Variants in LRRN3 observed in about 807,000 individuals in gnomAD.
The protein encoded by LRRN3 is leucine rich repeat neuronal 3.
LRRN3 carries 15 observed loss-of-function variants against 40.1 expected under a neutral mutation model. The observed-to-expected ratio is 0.37, with a 90% CI of 0.25 to 0.58. LRRN3 has a LOEUF of 0.58. LRRN3 is among the 20% of genes least tolerant of loss of function. LRRN3 has a pLI of 0.72. For missense variants in LRRN3, 746 were observed against 837.7 expected (o/e 0.89, Z 1.35); for synonymous variants, 308 against 297.2 (o/e 1.04, Z -0.37).
At chr7:111,093,341 G>A (rs1797062948) in intron 1 of LRRN3, among the ~76,000 whole-genome samples, 1 of 152,100 alleles carries the variant, frequency 6.6e-6, no homozygotes, top group Admixed American at 6.6e-5. Flanking sequence ...TTGCTTTTCT[G>A]CTATTTATTA....
chr7:111,108,563 G>C (rs1205681370), intron 2 of LRRN3, among the ~76,000 whole-genome samples: 3 of 152,002 alleles, frequency 2.0e-5, no homozygotes, highest in Non-Finnish European at 4.4e-5. Flanking sequence ...CCTCACAACA[G>C]ATTTATTCGA....
At chr7:111,094,923 G>A (rs1797246886) in intron 1 of LRRN3, among the ~76,000 whole-genome samples, 1 of 152,072 alleles carries the variant, frequency 6.6e-6, no homozygotes, top group Non-Finnish European at 1.5e-5. Flanking sequence ...ATGCTATTTA[G>A]AGGTCATTAA....
chr7:111,106,833 C>T (rs1204075073), intron 2 of LRRN3, among the ~76,000 whole-genome samples: 1 of 151,012 alleles, frequency 6.6e-6, no homozygotes, highest in East Asian at 1.9e-4. Context: ...ATTTCTTTTC[C>T]ACTGTTCTCA....
intron 2 of LRRN3, among the ~76,000 whole-genome samples, chr7:111,117,296 G>A (rs1800004216): frequency 6.6e-6 from 1 of 152,066 alleles, no homozygotes; most frequent in East Asian, 1.9e-4. Context: ...GTAAGTTTGG[G>A]ATGTGAAAGA....
intron 2 of LRRN3, among the ~76,000 whole-genome samples, chr7:111,112,954 C>G (rs1451601410): frequency 1.3e-5 from 2 of 152,202 alleles, no homozygotes; most frequent in East Asian, 3.9e-4. Flanking sequence ...TTTCTTTCAA[C>G]GTATGTTTTA....
intron 2 of LRRN3, among the ~76,000 whole-genome samples, chr7:111,118,477 T>G (rs897807574): frequency 9.9e-5 from 15 of 152,086 alleles, no homozygotes; most frequent in Admixed American, 8.5e-4. Flanking sequence ...TGTTTGATTT[T>G]AACGGCCTAA....
intron 2 of LRRN3, among the ~76,000 whole-genome samples, chr7:111,114,500 G>A (rs533619124): frequency 1.3e-5 from 2 of 152,284 alleles, no homozygotes; most frequent in South Asian, 2.1e-4. Flanking sequence ...CACTTTGTGA[G>A]TTCAAGGAGG....
Position 111,124,553 on chromosome 7 carries a change from A to G in LRRN3, c.1781A>G (p.Asp594Gly), listed in dbSNP as rs1244427495. 6.2e-7 allele frequency: 1 copy of G among 1,613,676 alleles called. No individual in the cohort carries two copies. The highest frequency in any genetic ancestry group is 8.5e-7 in the Non-Finnish European group (1 of 1,179,810). The change falls in exon 3 of 3, where the codon GAT becomes GGT. Residue 594 changes from aspartate to glycine, a missense_variant. Coordinates refer to ENST00000308478, the MANE Select transcript of LRRN3 (RefSeq NM_001099658.2). ...NPSTEYKICIDIPTIYQKNRK... is the reference protein window; with the variant it reads ...NPSTEYKICIGIPTIYQKNRK... ...TCAACTGAGTATAAAATTTGTATTG[A>G]TATTCCCACCATCTATCAGAAAAAC... is the stretch of plus-strand genomic sequence containing the variant.
At chr7:111,096,940 T>C (rs1409569201) in intron 1 of LRRN3, 2 of 151,932 alleles carry the variant, frequency 1.3e-5, no homozygotes, top group African/African-American at 2.4e-5. Flanking sequence ...GGAGATTGTG[T>C]CTGTCAAAAG....
At position 111,123,475 on chromosome 7, in the gene LRRN3, C is replaced by G; in HGVS notation, c.703C>G (p.Leu235Val). 6.2e-7 allele frequency: 1 copy of G among 1,613,772 alleles called. No individual in the cohort carries two copies. The highest frequency in any genetic ancestry group is 8.5e-7 in the Non-Finnish European group (1 of 1,179,878). ...AATACCAGATAACGCCTTGGTTGGA[C>G]TGGAAAACTTAGAAAGCATCTCTTT... ...TEIPDNALVG[L>V]ENLESISFYD... The change falls in exon 3 of 3, where the codon CTG (leucine) becomes GTG (valine). Residue 235 changes from leucine to valine, a missense_variant. Physicochemically the swap from Leu to Val is conservative, Grantham distance 32 (BLOSUM62 1). Coordinates refer to ENST00000308478, the MANE Select transcript of LRRN3 (RefSeq NM_001099658.2). This position sits in a 1 kb window ranked among gnomAD's most constrained non-coding sequence, Gnocchi z 6.4.
chr7:111,109,427 A>G (rs1798928749), intron 2 of LRRN3, among the ~76,000 whole-genome samples: 1 of 152,194 alleles, frequency 6.6e-6, no homozygotes, highest in Admixed American at 6.5e-5. Flanking sequence ...GCACACAAGT[A>G]TAGGCTTACT....
intron 2 of LRRN3, among the ~76,000 whole-genome samples, chr7:111,122,147 C>T (rs1800719090): frequency 6.6e-6 from 1 of 151,786 alleles, no homozygotes; most frequent in Non-Finnish European, 1.5e-5. Flanking sequence ...GGGTGCAGCA[C>T]ACCAACATGG....
At chr7:111,120,640 A>C (rs1026213589) in intron 2 of LRRN3, among the ~76,000 whole-genome samples, 8 of 152,190 alleles carry the variant, frequency 5.3e-5, no homozygotes, top group African/African-American at 1.9e-4. Context: ...GCCAAATGTT[A>C]ATCTTGTGAA....
At chr7:111,114,674 T>C (rs1586366163) in intron 2 of LRRN3, among the ~76,000 whole-genome samples, 1 of 140,958 alleles carries the variant, frequency 7.1e-6, no homozygotes, top group African/African-American at 2.7e-5. Context: ...AGGTGGAGGG[T>C]GCAGTGAGTG....
At chr7:111,096,614 C>T (rs949580850) in intron 1 of LRRN3, among the ~76,000 whole-genome samples, 5 of 151,466 alleles carry the variant, frequency 3.3e-5, no homozygotes, top group Non-Finnish European at 7.4e-5. Context: ...ACAGCATTAG[C>T]ACTTTGATAA....
At chr7:111,099,499 T>C (rs1021434287) in intron 1 of LRRN3, among the ~76,000 whole-genome samples, 21 of 151,720 alleles carry the variant, frequency 1.4e-4, no homozygotes, top group Non-Finnish European at 2.5e-4. Flanking sequence ...CGTTCTATAT[T>C]AGCTGTTTGT....
At chr7:111,114,408 G>A (rs1025641383) in intron 2 of LRRN3, among the ~76,000 whole-genome samples, 4 of 151,942 alleles carry the variant, frequency 2.6e-5, no homozygotes, top group Admixed American at 2.0e-4. Context: ...AAATCCTATC[G>A]GTATCCATCC....
intron 2 of LRRN3, among the ~76,000 whole-genome samples, chr7:111,104,176 T>C (rs1207201897): frequency 2.6e-5 from 4 of 151,672 alleles, no homozygotes; most frequent in Non-Finnish European, 5.9e-5. Context: ...TGCATGCACA[T>C]ACCTGCCTTT....
chr7:111,122,861 C>A lies in LRRN3; in HGVS notation c.89C>A (p.Pro30Gln). 6.2e-7 allele frequency: 1 copy of A among 1,613,910 alleles called. No individual in the cohort carries two copies. The highest frequency in any genetic ancestry group is 8.5e-7 in the Non-Finnish European group (1 of 1,179,878). The change falls in exon 3 of 3, where the codon CCA becomes CAA. Residue 30 changes from proline (P) to glutamine (Q), a missense_variant. Physicochemically the swap from Pro to Gln is moderately conservative, Grantham distance 76. Coordinates refer to ENST00000308478, the MANE Select transcript of LRRN3 (RefSeq NM_001099658.2). ...GCTGTAGATAAAAAAGTGGATTGTC[C>A]ACGGTTATGTACGTGTGAAATCAGG... ...VQAVDKKVDCPRLCTCEIRPW... is the reference protein window; with the variant it reads ...VQAVDKKVDCQRLCTCEIRPW...
Sources: gnomAD v4.1 joint callset for allele counts (sites outside exome capture counted in the v4.1 genomes callset) on GRCh38, gnomAD v4.1.1 for gene constraint, Gnocchi (gnomAD v3.1) non-coding constraint, MANE v1.5 for transcripts, NCBI Gene and HGNC (gene_info 2026-07-23, HGNC 2026-07-21) for gene names.